Variants in IFRD1 observed in about 807,000 individuals in gnomAD.
IFRD1 encodes the protein interferon-related developmental regulator 1.
A neutral mutation model predicts 52.9 loss-of-function variants in IFRD1; 35 were observed. The ratio of observed to expected loss-of-function variants is 0.66; its 90% CI spans 0.51 to 0.88. The LOEUF (loss-of-function observed/expected upper bound fraction) is 0.88. Ranked by LOEUF, IFRD1 falls within the 40% of genes least tolerant of loss-of-function variation. IFRD1 has a pLI of 0.00. For missense variants in IFRD1, 517 were observed against 550.8 expected, an observed-to-expected ratio of 0.94 and a Z score of 0.61; for synonymous variants, 184 against 188.4, an observed-to-expected ratio of 0.98 and a Z score of 0.19.
intron 1 of IFRD1, among the ~76,000 whole-genome samples, chr7:112,439,837 T>C (rs998525917): frequency 1.2e-4 from 18 of 152,286 alleles, no homozygotes; most frequent in Non-Finnish European, 5.9e-5. Context: ...ACCCAACCCC[T>C]GGAGCTGGGG....
chr7:112,476,602 C>G lies in IFRD1; in HGVS notation c.*1083C>G, dbSNP rs1019209963. ...CCAGGAGGTCAAAGCTGCAGTGAGC[C>G]GTGATTGTGCCACTCCAGCCTGGGT... On this transcript the variant is annotated 3_prime_UTR_variant, in exon 12 of 12. Transcript: ENST00000403825. The G allele has an allele frequency of 1.3e-5, 2 of 152,046 alleles. No homozygotes were observed. The highest frequency in any genetic ancestry group is 4.8e-5 in the African/African-American group (2 of 41,374). 9.4% of individuals were successfully genotyped at this position (152,046 alleles called of 1,614,324 possible).
chr7:112,472,544 G>C (rs1477986755), intron 10 of IFRD1, among the ~76,000 whole-genome samples, 197 bp downstream of exon 10: 3 of 152,086 alleles, frequency 2.0e-5, no homozygotes, highest in Non-Finnish European at 4.4e-5. Context: ...TTAAAGTTGG[G>C]TGGACGGTTA....
At chr7:112,438,995 C>G (rs1030569905) in intron 1 of IFRD1, among the ~76,000 whole-genome samples, 2 of 152,022 alleles carry the variant, frequency 1.3e-5, no homozygotes, top group African/African-American at 2.4e-5. Flanking sequence ...ACAACAACAA[C>G]AAGAACAGTA....
intron 1 of IFRD1, among the ~76,000 whole-genome samples, chr7:112,454,288 G>C (rs1795235627): frequency 6.6e-6 from 1 of 151,970 alleles, no homozygotes; most frequent in Admixed American, 6.6e-5. Flanking sequence ...GTGCCACCTG[G>C]GTTCAAGTGA....
chr7:112,435,655 T>TGTGTGTGTGTGTGTGTGTGC (rs775779479), intron 1 of IFRD1: 9 of 149,138 alleles, frequency 6.0e-5, no homozygotes, highest in African/African-American at 1.5e-4. Flanking sequence ...TGTGTGTGTG[T>TGTGTGTGTGTGTGTGTGTGC]GCGTGCTTGT....
At chr7:112,469,654 T>C (rs1332643775) in intron 9 of IFRD1, among the ~76,000 whole-genome samples, 1 of 152,138 alleles carries the variant, frequency 6.6e-6, no homozygotes, top group Non-Finnish European at 1.5e-5. Flanking sequence ...TGCATCCCCT[T>C]TGAGTAGTAG....
chr7:112,457,274 T>A (rs868243959), intron 4 of IFRD1: 2 of 589,894 alleles, frequency 3.4e-6, no homozygotes, highest in East Asian at 5.5e-5. Flanking sequence ...TAGATTGTCA[T>A]CAACCTTTTT....
intron 11 of IFRD1, among the ~76,000 whole-genome samples, chr7:112,474,270 T>G (rs757487994): frequency 1.3e-5 from 2 of 152,064 alleles, no homozygotes; most frequent in Non-Finnish European, 2.9e-5. Flanking sequence ...TACCTAGGAG[T>G]GGAATTGTGC....
intron 11 of IFRD1, among the ~76,000 whole-genome samples, chr7:112,473,499 A>G (rs1339129323): frequency 6.6e-6 from 1 of 151,458 alleles, no homozygotes; most frequent in Non-Finnish European, 1.5e-5. Flanking sequence ...ATCTCGGCTC[A>G]CTGCAACCTC....
chr7:112,439,399 G>T (rs1451111613), intron 1 of IFRD1, among the ~76,000 whole-genome samples: 1 of 152,226 alleles, frequency 6.6e-6, no homozygotes, highest in African/African-American at 2.4e-5. Context: ...TCATTTTAAA[G>T]AGATTGTTAG....
intron 1 of IFRD1, chr7:112,451,108 G>A (rs1563263999): frequency 3.2e-6 from 1 of 311,542 alleles, no homozygotes; most frequent in East Asian, 8.0e-5. Flanking sequence ...TTTCTCGGCG[G>A]CGATCTCGCC....
chr7:112,426,123 G>A (rs1203079977), intron 1 of IFRD1, among the ~76,000 whole-genome samples: 1 of 152,048 alleles, frequency 6.6e-6, no homozygotes, highest in African/African-American at 2.4e-5. Flanking sequence ...TGAGGTGGGA[G>A]GACACTTGAG....
rs963021288 is a variant in IFRD1 at position 112,450,715 on chromosome 7, T to C, written c.27T>C (p.Thr9=). The change falls in exon 1 of 12, where the codon ACT becomes ACC. Residue 9 remains threonine (T), a synonymous_variant. Coordinates refer to ENST00000403825, the MANE Select transcript of IFRD1 (RefSeq NM_001550.4). MPKNKKRN[T]PHRGSSAGGG... is the part of the protein sequence containing the mutation. Reference sequence around the variant, plus strand: ...TGCCGAAGAACAAGAAGCGGAACACTCCCCACCGCGGTAGCAGTGCTGGCG... The same window carrying C: ...TGCCGAAGAACAAGAAGCGGAACACCCCCCACCGCGGTAGCAGTGCTGGCG... The C allele has an allele frequency of 1.2e-6, 2 of 1,612,438 alleles. No individual in the cohort carries two copies. The highest frequency in any genetic ancestry group is 2.7e-5 in the African/African-American group (2 of 74,726).
At chr7:112,424,184 G>A (rs1794380143) in intron 1 of IFRD1, among the ~76,000 whole-genome samples, 1 of 152,072 alleles carries the variant, frequency 6.6e-6, no homozygotes, top group Non-Finnish European at 1.5e-5. Flanking sequence ...TATCTACCCT[G>A]TGGTCGAGCT....
At chr7:112,468,586 G>A (rs1795674375) in intron 9 of IFRD1, among the ~76,000 whole-genome samples, 1 of 152,086 alleles carries the variant, frequency 6.6e-6, no homozygotes, top group Non-Finnish European at 1.5e-5. Flanking sequence ...TGCAACCTCC[G>A]CCTCCCGGGT....
At position 112,462,451 on chromosome 7, in the gene IFRD1, G is replaced by GA. The variant is rs1390819272; in HGVS notation, c.906+75dup. The stretch of plus-strand genomic sequence containing the variant: ...TGTTCCATCATTACCTTGCAATTGA[G>GA]AATTGGGCAATAACTTTGGAACATG... On this transcript the variant is annotated intron_variant, in intron 8 of 11. Coordinates refer to ENST00000403825, the MANE Select transcript of IFRD1 (RefSeq NM_001550.4). 1.3e-5 allele frequency: 13 copies of GA among 1,015,820 alleles called. No individual in the cohort carries two copies. In the Admixed American group the frequency reaches 1.4e-4, roughly 11 times the overall value. 62.9% of individuals were successfully genotyped at this position (1,015,820 alleles called of 1,614,324 possible).
chr7:112,446,999 T>C (rs868570841), upstream of IFRD1, among the ~76,000 whole-genome samples: 3 of 152,120 alleles, frequency 2.0e-5, no homozygotes, highest in African/African-American at 7.2e-5. Context: ...ACATGGAGGA[T>C]CTGGGAGGTA....
intron 11 of IFRD1, among the ~76,000 whole-genome samples, chr7:112,475,134 A>G (rs555280622): frequency 6.6e-6 from 1 of 151,592 alleles, no homozygotes; most frequent in Admixed American, 6.6e-5. Flanking sequence ...AATTTTTTGT[A>G]TTTTTAGTAG....
intron 1 of IFRD1, among the ~76,000 whole-genome samples, chr7:112,425,217 C>G (rs1794402108): frequency 6.6e-6 from 1 of 152,208 alleles, no homozygotes; most frequent in Non-Finnish European, 1.5e-5. Flanking sequence ...CAAACATACT[C>G]AGTGTGATGG....
Sources: gnomAD v4.1 joint callset for allele counts (sites outside exome capture counted in the v4.1 genomes callset) on GRCh38, gnomAD v4.1.1 for gene constraint, MANE v1.5 for transcripts, NCBI Gene and HGNC (gene_info 2026-07-23, HGNC 2026-07-21) for gene names.